The following GRXCR1 variants were observed in gnomAD, a reference collection of about 807,000 sequenced individuals.
GRXCR1 encodes the protein glutaredoxin and cysteine rich domain containing 1, also known as glutaredoxin domain-containing cysteine-rich protein 1.
A neutral mutation model predicts 27.3 loss-of-function variants in GRXCR1; 27 were observed. The observed-to-expected ratio is 0.99, with a 90% CI of 0.73 to 1.37. The LOEUF is 1.37. Ranked by LOEUF, GRXCR1 falls within the 40% of genes most tolerant of loss-of-function variation. The pLI is 0.00. For synonymous variants in GRXCR1, 122 were observed against 131.1 expected, an observed-to-expected ratio of 0.93 and a Z score of 0.47; for missense variants, 379 against 354.4, an observed-to-expected ratio of 1.07 and a Z score of -0.56.
intron 1 of GRXCR1, among the ~76,000 whole-genome samples, chr4:42,923,964 C>A (rs1747083011): frequency 6.6e-6 from 1 of 151,994 alleles, no homozygotes; most frequent in Non-Finnish European, 1.5e-5. Flanking sequence ...AAAAAGTAAA[C>A]CACTCACCAA....
At position 42,990,173 on chromosome 4, in the gene GRXCR1, C is replaced by CTTTTT. The variant is rs745784596; in HGVS notation, c.627+27071_627+27075dup. 6.5e-5 allele frequency among the ~76,000 whole-genome samples: 3 copies of CTTTTT among 46,200 alleles called. 1 individual carries two copies. The highest frequency in any genetic ancestry group is 1.7e-4 in the African/African-American group (2 of 11,866). The allele number at this position is 46,200 out of a possible 152,430, so 30.3% of individuals were successfully genotyped here. A position where few individuals can be genotyped will look rare whatever the true frequency, so the allele number is the denominator to read the frequency against. Reference sequence around the variant, plus strand: ...AACTTCTTGAATTGAATTATTAGTTCTTTTTTTTTTTTTTTTTTTTTTTTT... The same window carrying CTTTTT: ...AACTTCTTGAATTGAATTATTAGTTCTTTTTTTTTTTTTTTTTTTTTTTTTTTTTT... On this transcript the variant is annotated intron_variant, in intron 2 of 3. Coordinates refer to ENST00000399770, the MANE Select transcript of GRXCR1 (RefSeq NM_001080476.3).
chr4:42,981,982 C>T (rs1748682031), intron 2 of GRXCR1, among the ~76,000 whole-genome samples: 1 of 151,650 alleles, frequency 6.6e-6, no homozygotes, highest in South Asian at 2.1e-4. Flanking sequence ...TTATATCTTT[C>T]TTCATATTTG....
At chr4:42,918,617 C>T (rs780935368) in intron 1 of GRXCR1, among the ~76,000 whole-genome samples, 2 of 152,142 alleles carry the variant, frequency 1.3e-5, no homozygotes, top group Non-Finnish European at 2.9e-5. Flanking sequence ...CTGATATCTG[C>T]TGCTTTCCAT....
intron 2 of GRXCR1, among the ~76,000 whole-genome samples, chr4:42,986,090 G>A (rs895792408): frequency 6.6e-6 from 1 of 152,166 alleles, no homozygotes; most frequent in Non-Finnish European, 1.5e-5. Context: ...ATAATACATT[G>A]TGTTGTGGTT....
intron 1 of GRXCR1, among the ~76,000 whole-genome samples, chr4:42,935,434 A>G (rs1482866096): frequency 6.6e-6 from 1 of 151,926 alleles, no homozygotes; most frequent in Non-Finnish European, 1.5e-5. Context: ...GGGGAAAGAA[A>G]TGATTAGGGT....
At chr4:42,972,784 C>G (rs958810250) in intron 2 of GRXCR1, among the ~76,000 whole-genome samples, 14 of 152,126 alleles carry the variant, frequency 9.2e-5, no homozygotes, top group African/African-American at 3.4e-4. Context: ...TTAGGTGTGT[C>G]TGGCTATTGC....
At chr4:42,936,111 G>A (rs1414754019) in intron 1 of GRXCR1, among the ~76,000 whole-genome samples, 1 of 151,902 alleles carries the variant, frequency 6.6e-6, no homozygotes, top group African/African-American at 2.4e-5. Flanking sequence ...TGGGCAACAA[G>A]GAGGAACAGG....
At chr4:42,915,183 C>A (rs1746857976) in intron 1 of GRXCR1, among the ~76,000 whole-genome samples, 1 of 152,054 alleles carries the variant, frequency 6.6e-6, no homozygotes, top group African/African-American at 2.4e-5. Context: ...GCGGGGTAAA[C>A]CTGCGGTAAA....
rs1468970984 is a variant in GRXCR1 at position 42,987,398 on chromosome 4, T to A, written c.627+24264T>A. On this transcript the variant is annotated intron_variant, in intron 2 of 3. Transcript: ENST00000399770. ...CCTGAGATCAAGTGATCCTCCTGCC[T>A]CAGCCTCCTGAGTAGCTAGGACCAC... 4.6e-5 allele frequency among the ~76,000 whole-genome samples: 7 copies of A among 150,966 alleles called. No individual in the cohort carries two copies. In the Admixed American group the frequency reaches 4.6e-4, roughly 10 times the overall value.
chr4:43,028,981 A>G, intron 3 of GRXCR1, among the ~76,000 whole-genome samples: 1 of 152,198 alleles, frequency 6.6e-6, no homozygotes, highest in East Asian at 1.9e-4. Flanking sequence ...TCTTGATATA[A>G]TAGTCAAGTC....
chr4:42,987,204 ATATATATTATATATATATTATATAT>A (rs1711757224), intron 2 of GRXCR1, among the ~76,000 whole-genome samples: 1 of 34,788 alleles, frequency 2.9e-5, no homozygotes, highest in Non-Finnish European at 4.7e-5. Flanking sequence ...TAGTTTTCAT[ATATATATTATATATATATTATATAT>A]TATATATATA....
intron 1 of GRXCR1, among the ~76,000 whole-genome samples, chr4:42,916,016 G>C (rs1286564696): frequency 6.6e-6 from 1 of 151,002 alleles, no homozygotes; most frequent in Non-Finnish European, 1.5e-5. Flanking sequence ...TCCCAGCCAA[G>C]CTACTAATCT....
intron 1 of GRXCR1, among the ~76,000 whole-genome samples, chr4:42,895,107 G>GA (rs1353026425): frequency 6.6e-6 from 1 of 151,886 alleles, no homozygotes; most frequent in Admixed American, 6.6e-5. Context: ...ACCTACAAGA[G>GA]AAAAACTTTC....
Position 42,957,797 on chromosome 4 carries a change from C to T in GRXCR1, c.385-5095C>T, listed in dbSNP as rs146435683. Among the ~76,000 whole-genome samples the T allele has an allele frequency of 6.9e-3, 1,053 of 151,640 alleles. 16 individuals are homozygous for T. The highest frequency in any genetic ancestry group is 0.062 in the East Asian group (313 of 5,082). On this transcript the variant is annotated intron_variant, in intron 1 of 3. Coordinates refer to ENST00000399770, the MANE Select transcript of GRXCR1 (RefSeq NM_001080476.3). ...TTCTTTTATTAAATTATTTCAAGCT[C>T]TTGGTTAAATTTATCTGATAGAATT...
At chr4:42,969,887 T>C (rs1036621365) in intron 2 of GRXCR1, among the ~76,000 whole-genome samples, 1 of 152,094 alleles carries the variant, frequency 6.6e-6, no homozygotes, top group African/African-American at 2.4e-5. Context: ...CAAAGTCTCA[T>C]TTGAGACAAG....
At chr4:42,936,074 G>C (rs751617569) in intron 1 of GRXCR1, among the ~76,000 whole-genome samples, 7 of 151,888 alleles carry the variant, frequency 4.6e-5, no homozygotes, top group Non-Finnish European at 8.8e-5. Context: ...ATGCTCTGGA[G>C]ACTTGTAGTC....
chr4:42,911,947 G>T (rs1746730176), intron 1 of GRXCR1, among the ~76,000 whole-genome samples: 1 of 152,118 alleles, frequency 6.6e-6, no homozygotes. Context: ...TGCAGCAGAG[G>T]GTTTATGTGG....
At chr4:42,980,246 A>G (rs1225762434) in intron 2 of GRXCR1, among the ~76,000 whole-genome samples, 1 of 144,116 alleles carries the variant, frequency 6.9e-6, no homozygotes, top group Non-Finnish European at 1.6e-5. Context: ...TGTTTATTTG[A>G]GATCTTTCTT....
At chr4:42,940,029 G>A (rs1360088574) in intron 1 of GRXCR1, among the ~76,000 whole-genome samples, 1 of 151,952 alleles carries the variant, frequency 6.6e-6, no homozygotes, top group African/African-American at 2.4e-5. Context: ...TGGAGAGCAG[G>A]CCTCGGTGGT....
Sources: gnomAD v4.1 joint callset for allele counts (sites outside exome capture counted in the v4.1 genomes callset) on GRCh38, gnomAD v4.1.1 for gene constraint, MANE v1.5 for transcripts, NCBI Gene and HGNC (gene_info 2026-07-23, HGNC 2026-07-21) for gene names.